MALSU1: variants seen among roughly 807,000 people sequenced by gnomAD.
MALSU1 encodes the protein mitochondrial assembly of ribosomal large subunit 1.
A neutral mutation model predicts 22.1 loss-of-function variants in MALSU1; 22 were observed. That is an observed-to-expected ratio of 1.00 (90% CI 0.71 to 1.42). MALSU1 has a LOEUF of 1.42. MALSU1 is among the 40% of genes most tolerant of loss of function. MALSU1 has a pLI of 0.00. For synonymous variants in MALSU1, 153 were observed against 118.5 expected (o/e 1.29, Z -1.89); for missense variants, 379 against 308.3 (o/e 1.23, Z -1.72).
chr7:23,299,729 C>T (rs1324551315), intron 1 of MALSU1, 121 bp downstream of exon 1: 27 of 1,166,636 alleles, frequency 2.3e-5, no homozygotes, highest in Non-Finnish European at 2.7e-5. Flanking sequence ...AACTCCTGCA[C>T]ATCCAGAGCT....
chr7:23,309,324 C>T, intron 3 of MALSU1, 32 bp from the exon 4 acceptor site: 1 of 1,553,244 alleles, frequency 6.4e-7, no homozygotes, highest in Non-Finnish European at 8.8e-7. Flanking sequence ...ATGAACTATT[C>T]CTTCATTGTA....
chr7:23,306,429 CT>C (rs575334744), intron 2 of MALSU1, among the ~76,000 whole-genome samples: 196 of 142,626 alleles, frequency 1.4e-3, no homozygotes, highest in Middle Eastern at 3.7e-3. Flanking sequence ...ATTTGGGTAC[CT>C]TTTTTTTTTT....
chr7:23,306,010 C>G (rs1302250384), intron 2 of MALSU1, among the ~76,000 whole-genome samples: 1 of 152,146 alleles, frequency 6.6e-6, no homozygotes, highest in Non-Finnish European at 1.5e-5. Context: ...GCCGCACCAA[C>G]ATGGAGAAAC....
At chr7:23,305,803 A>T (rs187004655) in intron 2 of MALSU1, among the ~76,000 whole-genome samples, 1 of 152,212 alleles carries the variant, frequency 6.6e-6, no homozygotes, top group South Asian at 2.1e-4. Flanking sequence ...CTTCCCATCC[A>T]TGAATATGAA....
In MALSU1 at chr7:23,300,903, A is replaced by G. The variant is rs781004994; in HGVS notation, c.321A>G (p.Arg107=). The G allele has an allele frequency of 1.2e-6, 2 of 1,613,928 alleles. No individual in the cohort carries two copies. Among genetic ancestry groups the G allele is most frequent in the African/African-American group, 2.7e-5 (2 of 74,888 alleles). The change falls in exon 2 of 4, where the codon AGA becomes AGG. Residue 107 remains arginine (R), a synonymous_variant. Coordinates refer to ENST00000466681, the MANE Select transcript of MALSU1 (RefSeq NM_138446.2). ...CACTTCTGAGGCAAGAAAATGCAAG[A>G]GACATTTGTGTGATCCAGGTTCCTC... The part of the protein sequence containing the change: ...MVSLLRQENA[R]DICVIQVPPE...
At position 23,309,418 on chromosome 7, in the gene MALSU1, T is replaced by C; in HGVS notation, c.580T>C (p.Trp194Arg). Residue 194 changes from tryptophan to arginine, a missense_variant, in exon 4 of 4, where the codon TGG becomes CGG. Transcript: ENST00000466681. ...AGAAATCTATGAATTAGAGAAATTA[T>C]GGACCCTACGTTCTTATGATGACCA... ...TREIYELEKL[W>R]TLRSYDDQLA... is the part of the protein sequence containing the mutation. The C allele has an allele frequency of 3.1e-6, 5 of 1,613,736 alleles. No individual in the cohort carries two copies. In the South Asian group the frequency reaches 4.4e-5, roughly 14 times the overall value.
intron 2 of MALSU1, among the ~76,000 whole-genome samples, chr7:23,307,414 C>A (rs1476023637): frequency 6.6e-6 from 1 of 152,182 alleles, no homozygotes; most frequent in African/African-American, 2.4e-5. Context: ...GAACTGAGCA[C>A]ATTTATAGGA....
At chr7:23,303,056 C>T (rs996692123) in intron 2 of MALSU1, among the ~76,000 whole-genome samples, 3 of 152,190 alleles carry the variant, frequency 2.0e-5, no homozygotes, top group African/African-American at 4.8e-5. Flanking sequence ...GCCACTGTGC[C>T]CAGCCCATTT....
intron 2 of MALSU1, among the ~76,000 whole-genome samples, chr7:23,301,648 G>C (rs1383502097): frequency 6.6e-6 from 1 of 152,196 alleles, no homozygotes; most frequent in Non-Finnish European, 1.5e-5. Flanking sequence ...GTAGCCACTA[G>C]CTACATGTGC....
rs1037642582 is a variant in MALSU1, at chr7:23,301,798, G to C, written c.435+781G>C. 2.6e-5 allele frequency among the ~76,000 whole-genome samples: 4 copies of C among 152,162 alleles called. No individual in the cohort carries two copies. In the South Asian group the frequency reaches 8.3e-4, roughly 32 times the overall value. The stretch of plus-strand genomic sequence containing the variant: ...ATCCTGGCCAACATGGTGAAATGCC[G>C]TCTTTACTAAAAATACAAAAATTAG... On this transcript the variant is annotated intron_variant, in intron 2 of 3. Transcript: ENST00000466681.
In MALSU1 at chr7:23,311,390, G is replaced by C. The variant is rs1562661103; in HGVS notation, c.*1847G>C. 1 of 152,578 alleles carries C rather than the reference G, an allele frequency of 6.6e-6. No homozygotes were observed. 9.5% of individuals were successfully genotyped at this position (152,578 alleles called of 1,614,324 possible). On this transcript the variant is annotated 3_prime_UTR_variant, in exon 4 of 4. Coordinates refer to ENST00000466681, the MANE Select transcript of MALSU1 (RefSeq NM_138446.2). The stretch of plus-strand genomic sequence containing the variant: ...GTCAGAAGCACAAAGCATTTATTAT[G>C]CATTCAATCATGTAGCTAAACAAAA...
At chr7:23,303,082 T>C (rs1783669868) in intron 2 of MALSU1, among the ~76,000 whole-genome samples, 1 of 152,192 alleles carries the variant, frequency 6.6e-6, no homozygotes, top group African/African-American at 2.4e-5. Flanking sequence ...TTTTAAACTG[T>C]GTTGTTCAGT....
At chr7:23,300,335 C>G (rs985592022) in intron 1 of MALSU1, among the ~76,000 whole-genome samples, 1 of 152,108 alleles carries the variant, frequency 6.6e-6, no homozygotes, top group Non-Finnish European at 1.5e-5. Flanking sequence ...TGATCTTAGG[C>G]CACAGTAATT....
At position 23,310,079 on chromosome 7, in the gene MALSU1, T is replaced by C. The variant is rs553595621; in HGVS notation, c.*536T>C. Reference sequence around the variant, plus strand: ...CTAGTTCTTAGTTCATATGCAAGAGTATTATCAAGGTTCACATTAAGTACC... The same window carrying C: ...CTAGTTCTTAGTTCATATGCAAGAGCATTATCAAGGTTCACATTAAGTACC... On this transcript the variant is annotated 3_prime_UTR_variant, in exon 4 of 4. Transcript: ENST00000466681. 5.3e-5 allele frequency: 8 copies of C among 152,104 alleles called. No individual in the cohort carries two copies. Among genetic ancestry groups the C allele is most frequent in the East Asian group, 3.9e-4 (2 of 5,172 alleles). 9.4% of individuals were successfully genotyped at this position (152,104 alleles called of 1,614,324 possible).
intron 2 of MALSU1, among the ~76,000 whole-genome samples, chr7:23,306,308 T>C (rs1269246565): frequency 1.3e-5 from 2 of 152,234 alleles, no homozygotes; most frequent in African/African-American, 4.8e-5. Flanking sequence ...TGGATTTTTG[T>C]GTGCTGAATT....
intron 3 of MALSU1, 92 bp from the exon 4 acceptor site, chr7:23,309,264 T>C (rs1783769664): frequency 8.3e-7 from 1 of 1,204,868 alleles, no homozygotes; most frequent in Non-Finnish European, 1.2e-6. Flanking sequence ...GAACCACTGC[T>C]TTATTCCTAG....
intron 3 of MALSU1, 141 bp from the exon 4 acceptor site, chr7:23,309,215 T>C: frequency 1.5e-6 from 1 of 678,316 alleles, no homozygotes; most frequent in Non-Finnish European, 2.4e-6. Flanking sequence ...TTTGCTGGGA[T>C]GGAGTCCACA....
At chr7:23,303,645 A>G (rs1049033472) in intron 2 of MALSU1, among the ~76,000 whole-genome samples, 2 of 151,696 alleles carry the variant, frequency 1.3e-5, no homozygotes, top group African/African-American at 4.9e-5. Context: ...AAAAAGACAA[A>G]AAATAAAATA....
Position 23,305,008 on chromosome 7 carries a change from G to A in MALSU1, c.436-2860G>A, listed in dbSNP as rs1280643202. ...TATCTAATAAATAATTGCCAAACCA[G>A]TATCATGTTTTCCCTATTTTCTTCT... is the stretch of plus-strand genomic sequence containing the variant. On this transcript the variant is annotated intron_variant, in intron 2 of 3. Transcript: ENST00000466681. 6.6e-5 allele frequency among the ~76,000 whole-genome samples: 10 copies of A among 152,228 alleles called. No homozygotes were observed. In the East Asian group the frequency reaches 1.9e-3, roughly 29 times the overall value.
Sources: gnomAD v4.1 joint callset for allele counts (sites outside exome capture counted in the v4.1 genomes callset) on GRCh38, gnomAD v4.1.1 for gene constraint, MANE v1.5 for transcripts, NCBI Gene and HGNC (gene_info 2026-07-23, HGNC 2026-07-21) for gene names.